CNTN6: variants seen among roughly 807,000 people sequenced by gnomAD.
CNTN6 encodes the protein contactin 6, also known as contactin-6.
In CNTN6, 137 loss-of-function variants were observed where a neutral mutation model predicts 122.8. That is an observed-to-expected ratio of 1.12 (90% CI 0.97 to 1.29). The LOEUF is 1.29. Ranked by LOEUF, CNTN6 falls within the 50% of genes most tolerant of loss-of-function variation. CNTN6 has a pLI of 0.00. For synonymous variants in CNTN6, 570 were observed against 426.0 expected (o/e 1.34, Z -4.16); for missense variants, 1,634 against 1,223.4 (o/e 1.34, Z -5.01).
chr3:1,369,460 C>T (rs1375420704), intron 12 of CNTN6, among the ~76,000 whole-genome samples: 1 of 150,326 alleles, frequency 6.7e-6, no homozygotes, highest in East Asian at 2.0e-4. Flanking sequence ...ACATTACATG[C>T]TCAATAAATA....
At chr3:1,396,215 T>G (rs1694972570) in intron 20 of CNTN6, among the ~76,000 whole-genome samples, 1 of 152,224 alleles carries the variant, frequency 6.6e-6, no homozygotes, top group Admixed American at 6.5e-5. Context: ...TCAAACTTAC[T>G]GATCTTCTAA....
chr3:1,356,920 T>C (rs1706649041), intron 12 of CNTN6, among the ~76,000 whole-genome samples: 1 of 151,892 alleles, frequency 6.6e-6, no homozygotes, highest in African/African-American at 2.4e-5. Context: ...TACAATCTCT[T>C]CAAGTAAAAA....
intron 4 of CNTN6, among the ~76,000 whole-genome samples, chr3:1,264,141 T>TG (rs1413039616): frequency 6.6e-6 from 1 of 152,116 alleles, no homozygotes; most frequent in Non-Finnish European, 1.5e-5. Flanking sequence ...GTAAACTATT[T>TG]AAAGTCATCT....
chr3:1,250,037 G>C (rs1052268796), intron 4 of CNTN6, among the ~76,000 whole-genome samples: 2 of 152,094 alleles, frequency 1.3e-5, no homozygotes, highest in Non-Finnish European at 2.9e-5. Context: ...AAATGTAGCT[G>C]ATTCAAACTT....
chr3:1,214,470 A>G (rs1381942469), intron 2 of CNTN6, among the ~76,000 whole-genome samples: 2 of 151,116 alleles, frequency 1.3e-5, no homozygotes, highest in African/African-American at 2.4e-5. Context: ...CACCACGCCC[A>G]GCTAATTTTT....
chr3:1,294,488 T>C (rs540717739), intron 5 of CNTN6, among the ~76,000 whole-genome samples: 5 of 152,130 alleles, frequency 3.3e-5, no homozygotes, highest in Admixed American at 1.3e-4. Context: ...CTCATTTTAC[T>C]TGGGGAAGGA....
intron 2 of CNTN6, among the ~76,000 whole-genome samples, chr3:1,177,476 T>C (rs1245019117): frequency 6.6e-6 from 1 of 152,226 alleles, no homozygotes; most frequent in Non-Finnish European, 1.5e-5. Flanking sequence ...ATTGCATTTA[T>C]AGATCTCTTA....
chr3:1,247,222 T>A (rs1022096073), intron 4 of CNTN6, among the ~76,000 whole-genome samples: 9 of 152,174 alleles, frequency 5.9e-5, no homozygotes, highest in Non-Finnish European at 1.2e-4. Context: ...TACAATTTTT[T>A]TCTATAGGGA....
At chr3:1,131,202 G>C (rs1221928916) in intron 1 of CNTN6, among the ~76,000 whole-genome samples, 1 of 152,056 alleles carries the variant, frequency 6.6e-6, no homozygotes, top group Non-Finnish European at 1.5e-5. Context: ...CAAGCACGAT[G>C]ATATTCATCC....
chr3:1,300,539 GAGAA>G (rs1417679145), intron 7 of CNTN6, among the ~76,000 whole-genome samples: 182 of 125,224 alleles, frequency 1.5e-3, no homozygotes, highest in Non-Finnish European at 2.3e-3. Context: ...AAGAAAGAGA[GAGAA>G]AGAAAGAGAA....
At chr3:1,116,935 C>T (rs1400306593) in intron 1 of CNTN6, among the ~76,000 whole-genome samples, 1 of 152,068 alleles carries the variant, frequency 6.6e-6, no homozygotes, top group Non-Finnish European at 1.5e-5. Flanking sequence ...GAACTCCTGA[C>T]CTCAAGTGAT....
chr3:1,196,182 C>T (rs948139431), intron 2 of CNTN6, among the ~76,000 whole-genome samples: 1 of 152,200 alleles, frequency 6.6e-6, no homozygotes, highest in African/African-American at 2.4e-5. Flanking sequence ...GGCATTTGCT[C>T]AGGCTGAGCA....
intron 12 of CNTN6, among the ~76,000 whole-genome samples, chr3:1,357,442 G>C (rs1488162614): frequency 1.3e-5 from 2 of 151,628 alleles, no homozygotes; most frequent in East Asian, 3.9e-4. Context: ...CTCTGTCCTA[G>C]GCACCATGAT....
intron 1 of CNTN6, among the ~76,000 whole-genome samples, chr3:1,102,505 C>A (rs1022462418): frequency 9.9e-5 from 15 of 151,640 alleles, no homozygotes; most frequent in Non-Finnish European, 2.2e-4. Flanking sequence ...CCGAGGTGGG[C>A]GGATCACCAG....
At chr3:1,109,484 T>G (rs1245642382) in intron 1 of CNTN6, among the ~76,000 whole-genome samples, 1 of 152,080 alleles carries the variant, frequency 6.6e-6, no homozygotes, top group Non-Finnish European at 1.5e-5. Flanking sequence ...TATTCCCAGT[T>G]TAATAGACAA....
intron 20 of CNTN6, among the ~76,000 whole-genome samples, chr3:1,396,355 G>A (rs1694987017): frequency 1.3e-5 from 2 of 152,022 alleles, no homozygotes; most frequent in Non-Finnish European, 2.9e-5. Context: ...TAATGTATTT[G>A]CGTTTTTCTA....
intron 3 of CNTN6, among the ~76,000 whole-genome samples, chr3:1,223,794 A>G (rs1397106953): frequency 6.6e-6 from 1 of 152,214 alleles, no homozygotes; most frequent in East Asian, 1.9e-4. Flanking sequence ...TCATGAACAC[A>G]ACCTTAAGTC....
chr3:1,212,896 G>A (rs1018533654), intron 2 of CNTN6, among the ~76,000 whole-genome samples: 1 of 151,882 alleles, frequency 6.6e-6, no homozygotes, highest in Non-Finnish European at 1.5e-5. Flanking sequence ...TTATCAAGTG[G>A]TATAAATTCA....
In CNTN6 at chr3:1,223,995, C is replaced by A. The variant is rs372981569; in HGVS notation, c.182+3182C>A. On this transcript the variant is annotated intron_variant, in intron 3 of 22. Coordinates refer to ENST00000446702, the MANE Select transcript of CNTN6 (RefSeq NM_001289080.2). Reference sequence around the variant, plus strand: ...ATCAGAAGGCTTGTTCAAGTATATGCAGCAAAGGAACGTCAAAGCTAGGAC... The same window carrying A: ...ATCAGAAGGCTTGTTCAAGTATATGAAGCAAAGGAACGTCAAAGCTAGGAC... Among the ~76,000 whole-genome samples, 37 of 152,284 alleles carry A rather than the reference C, an allele frequency of 2.4e-4. 1 individual carries two copies. The East Asian group carries it at 3.7e-3, about 15-fold the overall frequency.
Sources: gnomAD v4.1 joint callset for allele counts (sites outside exome capture counted in the v4.1 genomes callset) on GRCh38, gnomAD v4.1.1 for gene constraint, MANE v1.5 for transcripts, NCBI Gene and HGNC (gene_info 2026-07-23, HGNC 2026-07-21) for gene names.